The following SGCD variants were observed in gnomAD, a reference collection of about 807,000 sequenced individuals.
The protein encoded by SGCD is sarcoglycan delta, also known as delta-sarcoglycan.
SGCD carries 18 observed loss-of-function variants against 36.6 expected under a neutral mutation model. That is an observed-to-expected ratio of 0.49 (90% confidence interval 0.34 to 0.73). The LOEUF (loss-of-function observed/expected upper bound fraction) is 0.73. Ranked by LOEUF, SGCD falls within the 30% of genes least tolerant of loss-of-function variation. The pLI is 0.01. For synonymous variants in SGCD, 133 were observed against 130.6 expected, an observed-to-expected ratio of 1.02 and a Z score of -0.12; for missense variants, 387 against 346.7, an observed-to-expected ratio of 1.12 and a Z score of -0.92.
At chr5:156,739,740 G>T (rs538583753) in intron 7 of SGCD, 1 of 152,236 alleles carries the variant, frequency 6.6e-6, no homozygotes, top group Admixed American at 6.5e-5. Flanking sequence ...CAGAACCATG[G>T]ATTATTACGA....
At chr5:155,947,396 AAT>A (rs1757461258) in intron 1 of SGCD, among the ~76,000 whole-genome samples, 1 of 149,858 alleles carries the variant, frequency 6.7e-6, no homozygotes, top group Admixed American at 6.7e-5. Flanking sequence ...CAGTTATGTT[AAT>A]GTCTATACAG....
the SGCD span, among the ~76,000 whole-genome samples, chr5:155,798,229 A>G: frequency 1.3e-5 from 2 of 152,158 alleles, no homozygotes; most frequent in Non-Finnish European, 2.9e-5. Flanking sequence ...GATATCTCCA[A>G]GTAACTTGCT....
chr5:155,971,090 G>T (rs897812408), intron 1 of SGCD, among the ~76,000 whole-genome samples: 6 of 152,134 alleles, frequency 3.9e-5, no homozygotes, highest in Non-Finnish European at 7.4e-5. Flanking sequence ...CAGAGCTTAT[G>T]AATTTTTTTC....
intron 4 of SGCD, among the ~76,000 whole-genome samples, chr5:156,562,324 C>G (rs1407858500): frequency 2.0e-5 from 3 of 152,130 alleles, no homozygotes; most frequent in Non-Finnish European, 4.4e-5. Context: ...TAATGGGTCT[C>G]TTGAGCAGTG....
chr5:156,144,680 T>A (rs1048029905), intron 3 of SGCD, among the ~76,000 whole-genome samples: 2 of 152,244 alleles, frequency 1.3e-5, no homozygotes, highest in Non-Finnish European at 2.9e-5. Context: ...TCTCCCATTC[T>A]GTAGGTTGCC....
At chr5:156,422,379 C>T (rs1001570435) in intron 3 of SGCD, among the ~76,000 whole-genome samples, 2 of 151,880 alleles carry the variant, frequency 1.3e-5, no homozygotes, top group Non-Finnish European at 2.9e-5. Context: ...CTTTCTCACA[C>T]GTCAAAGAAA....
intron 1 of SGCD, among the ~76,000 whole-genome samples, chr5:155,942,014 G>T (rs17053032): frequency 0.093 from 14,161 of 152,126 alleles, 737 homozygotes; most frequent in South Asian, 0.17. Context: ...GTTAGGGGAG[G>T]ATACTCAAGT....
chr5:156,751,039 G>T (rs1757132223), intron 7 of SGCD, among the ~76,000 whole-genome samples: 1 of 152,134 alleles, frequency 6.6e-6, no homozygotes, highest in Non-Finnish European at 1.5e-5. Context: ...GTATGTGGAA[G>T]ACCCAAGAAT....
At chr5:156,555,937 T>C (rs2113219719) in intron 4 of SGCD, among the ~76,000 whole-genome samples, 1 of 152,282 alleles carries the variant, frequency 6.6e-6, no homozygotes, top group Non-Finnish European at 1.5e-5. Context: ...TTTGGTGCTA[T>C]CATCAGTGAA....
chr5:156,521,884 A>T (rs1757425226), intron 4 of SGCD, among the ~76,000 whole-genome samples: 1 of 152,212 alleles, frequency 6.6e-6, no homozygotes. Flanking sequence ...CATTATAAAG[A>T]TACATACATG....
chr5:156,145,026 G>A (rs1359825898), intron 3 of SGCD, among the ~76,000 whole-genome samples: 1 of 152,166 alleles, frequency 6.6e-6, no homozygotes, highest in Non-Finnish European at 1.5e-5. Context: ...AGGTTCCAGG[G>A]ACAGAATGAT....
chr5:155,836,661 G>A, the SGCD span, among the ~76,000 whole-genome samples: 1 of 152,194 alleles, frequency 6.6e-6, no homozygotes, highest in African/African-American at 2.4e-5. Flanking sequence ...CCTTCTTGGA[G>A]AGCTCAGAGT....
At chr5:155,866,834 C>G (rs935489919), upstream of SGCD, among the ~76,000 whole-genome samples, 4 of 152,158 alleles carry the variant, frequency 2.6e-5, no homozygotes, top group Non-Finnish European at 4.4e-5. Context: ...CCCCTCCTCC[C>G]CTCCCTTTCC....
At chr5:156,083,290 T>C (rs1761007225) in intron 1 of SGCD, among the ~76,000 whole-genome samples, 1 of 151,382 alleles carries the variant, frequency 6.6e-6, no homozygotes, top group Admixed American at 6.6e-5. Context: ...ATTTATCATT[T>C]TTTTCCTTTT....
the SGCD span, among the ~76,000 whole-genome samples, chr5:155,859,405 A>G: frequency 1.3e-5 from 2 of 152,080 alleles, no homozygotes; most frequent in African/African-American, 4.8e-5. Flanking sequence ...ACACACATTA[A>G]AATTGACCAA....
At chr5:156,324,636 T>G (rs555602532), upstream of SGCD, among the ~76,000 whole-genome samples, 10 of 152,256 alleles carry the variant, frequency 6.6e-5, no homozygotes, top group African/African-American at 2.2e-4. Context: ...GAGGGCAGGG[T>G]CTCGTGAATC....
chr5:155,807,180 TCTG>T, the SGCD span, among the ~76,000 whole-genome samples: 1 of 152,246 alleles, frequency 6.6e-6, no homozygotes, highest in Non-Finnish European at 1.5e-5. Flanking sequence ...TCTGACTGAA[TCTG>T]TATCACTTGC....
chr5:156,230,701 G>A (rs1423017565), intron 3 of SGCD, among the ~76,000 whole-genome samples: 1 of 152,120 alleles, frequency 6.6e-6, no homozygotes, highest in Non-Finnish European at 1.5e-5. Flanking sequence ...TCCACATGCT[G>A]CTCTGTCTGT....
At chr5:156,264,136 A>T (rs545218693) in intron 3 of SGCD, among the ~76,000 whole-genome samples, 1 of 152,214 alleles carries the variant, frequency 6.6e-6, no homozygotes, top group African/African-American at 2.4e-5. Context: ...AAGAAAGTGT[A>T]ATTTCATTTA....
Sources: gnomAD v4.1 joint callset for allele counts (sites outside exome capture counted in the v4.1 genomes callset) on GRCh38, gnomAD v4.1.1 for gene constraint, MANE v1.5 for transcripts, NCBI Gene and HGNC (gene_info 2026-07-23, HGNC 2026-07-21) for gene names.